Variants in PDIA5 observed in about 807,000 individuals in gnomAD.
PDIA5 encodes protein disulfide isomerase family A member 5, also known as protein disulfide-isomerase A5.
PDIA5 carries 58 observed loss-of-function variants against 77.6 expected under a neutral mutation model. The observed-to-expected ratio is 0.75, with a 90% CI of 0.61 to 0.93. The LOEUF (loss-of-function observed/expected upper bound fraction) is 0.93. Ranked by LOEUF, PDIA5 falls within the 40% of genes least tolerant of loss-of-function variation. The pLI, the probability that PDIA5 is intolerant of heterozygous loss-of-function variation, is 0.00. For synonymous variants in PDIA5, 250 were observed against 252.1 expected, an observed-to-expected ratio of 0.99 and a Z score of 0.08; for missense variants, 630 against 647.7, an observed-to-expected ratio of 0.97 and a Z score of 0.30.
chr3:123,109,490 G>A (rs1032025142), intron 6 of PDIA5, among the ~76,000 whole-genome samples: 2 of 151,994 alleles, frequency 1.3e-5, no homozygotes, highest in Non-Finnish European at 2.9e-5. Flanking sequence ...ATTTTGTTTG[G>A]AAATTATTTC....
At chr3:123,075,512 T>C (rs1376327833) in intron 1 of PDIA5, among the ~76,000 whole-genome samples, 5 of 152,142 alleles carry the variant, frequency 3.3e-5, no homozygotes, top group Admixed American at 1.3e-4. Context: ...GAAGTGCCTG[T>C]AGGGTTTATC....
intron 11 of PDIA5, among the ~76,000 whole-genome samples, chr3:123,134,697 A>T (rs777120156): frequency 8.5e-5 from 13 of 152,156 alleles, no homozygotes; most frequent in Non-Finnish European, 1.8e-4. Flanking sequence ...CTGATGCCTA[A>T]GTTGTCACTA....
chr3:123,096,443 C>T (rs1934443306), intron 3 of PDIA5, among the ~76,000 whole-genome samples: 2 of 152,210 alleles, frequency 1.3e-5, no homozygotes, highest in African/African-American at 4.8e-5. Context: ...CCTGCCTTGG[C>T]CTCCCAAAGT....
chr3:123,142,417 A>G (rs988453544), intron 11 of PDIA5, among the ~76,000 whole-genome samples: 7 of 152,264 alleles, frequency 4.6e-5, no homozygotes, highest in African/African-American at 1.7e-4. Flanking sequence ...TTATTTAGGT[A>G]ACACATGGCT....
chr3:123,124,293 G>A lies in PDIA5; in HGVS notation c.723G>A (p.Gln241=), dbSNP rs765623047. 1.2e-6 allele frequency: 2 copies of A among 1,613,748 alleles called. No homozygotes were observed. The highest frequency in any genetic ancestry group is 1.7e-6 in the Non-Finnish European group (2 of 1,179,606). Residue 241 remains glutamine (Q), a synonymous_variant, in exon 10 of 17, where the codon CAG becomes CAA. Transcript: ENST00000316218. ...ACAGGAAAGGACGGTTCTTGTTCCA[G>A]TATGACAACTATGGGTCCACAGCTG... The part of the protein sequence containing the change: ...CYFEKGRFLF[Q]YDNYGSTAED...
At chr3:123,078,112 A>G (rs1933904174) in intron 1 of PDIA5, among the ~76,000 whole-genome samples, 1 of 152,194 alleles carries the variant, frequency 6.6e-6, no homozygotes, top group African/African-American at 2.4e-5. Flanking sequence ...CCGGCCTAAA[A>G]TTAATGTTCT....
At chr3:123,118,145 T>A (rs932276901) in intron 8 of PDIA5, among the ~76,000 whole-genome samples, 2 of 152,228 alleles carry the variant, frequency 1.3e-5, no homozygotes, top group African/African-American at 4.8e-5. Flanking sequence ...AGAGAGCCAA[T>A]GCTTTCTCTT....
At chr3:123,124,421 C>T (rs1935196042) in intron 10 of PDIA5, 78 bp downstream of exon 10, 2 of 1,008,670 alleles carry the variant, frequency 2.0e-6, no homozygotes, top group Non-Finnish European at 1.6e-6. Flanking sequence ...TCGCAGGGCT[C>T]TGGCTGGAGG....
chr3:123,126,856 G>C (rs1935254469), intron 10 of PDIA5, among the ~76,000 whole-genome samples: 1 of 152,224 alleles, frequency 6.6e-6, no homozygotes. Context: ...GTGGCACCAG[G>C]TGAGGCAGGG....
At chr3:123,071,205 T>C (rs936996517) in intron 1 of PDIA5, among the ~76,000 whole-genome samples, 11 of 152,108 alleles carry the variant, frequency 7.2e-5, no homozygotes, top group African/African-American at 2.4e-4. Flanking sequence ...TCTCCTTTTA[T>C]AGGAGAATAG....
intron 3 of PDIA5, among the ~76,000 whole-genome samples, chr3:123,100,214 A>T (rs536014621): frequency 6.6e-6 from 1 of 152,376 alleles, no homozygotes; most frequent in East Asian, 1.9e-4. Flanking sequence ...TAACTCAAAC[A>T]GGGAAAGGGC....
intron 5 of PDIA5, among the ~76,000 whole-genome samples, chr3:123,106,124 C>A (rs986903774): frequency 6.6e-5 from 10 of 152,242 alleles, no homozygotes; most frequent in Non-Finnish European, 1.2e-4. Context: ...AGTATAGCAA[C>A]AAGGGTGAGG....
At chr3:123,116,422 C>A in intron 8 of PDIA5, 124 bp downstream of exon 8, 1 of 730,602 alleles carries the variant, frequency 1.4e-6, no homozygotes, top group Non-Finnish European at 2.3e-6. Flanking sequence ...CTGCCTGGGC[C>A]GTTGCTGAAT....
intron 1 of PDIA5, among the ~76,000 whole-genome samples, chr3:123,069,564 G>C (rs987831126): frequency 6.6e-6 from 1 of 152,112 alleles, no homozygotes; most frequent in South Asian, 2.1e-4. Context: ...GTGCCAGCAT[G>C]GTTGAATTCT....
chr3:123,139,893 G>A (rs1364258373), intron 11 of PDIA5, among the ~76,000 whole-genome samples: 1 of 152,176 alleles, frequency 6.6e-6, no homozygotes, highest in African/African-American at 2.4e-5. Flanking sequence ...GCCCCTGCCT[G>A]CACATACAGA....
At chr3:123,152,086 T>C (rs1203812036) in intron 14 of PDIA5, among the ~76,000 whole-genome samples, 3 of 55,590 alleles carry the variant, frequency 5.4e-5, no homozygotes, top group African/African-American at 1.1e-4. Context: ...CCTGCCTTCC[T>C]TCCTGCCTTC....
At chr3:123,068,182 C>T (rs773127420) in intron 1 of PDIA5, among the ~76,000 whole-genome samples, 13 of 152,126 alleles carry the variant, frequency 8.5e-5, no homozygotes, top group Admixed American at 2.0e-4. Context: ...CCCTGAAGTT[C>T]CAGGGAACTT....
At chr3:123,073,387 T>C (rs923193001) in intron 1 of PDIA5, among the ~76,000 whole-genome samples, 4 of 152,154 alleles carry the variant, frequency 2.6e-5, no homozygotes, top group Non-Finnish European at 5.9e-5. Context: ...AGCAGCTGCG[T>C]TGGCAGCCAT....
intron 14 of PDIA5, among the ~76,000 whole-genome samples, chr3:123,152,060 CCTGCCTGCCTTT>C (rs1935923920): frequency 2.3e-5 from 3 of 132,960 alleles, no homozygotes; most frequent in Admixed American, 7.4e-5. Context: ...TGCCTTCCTT[CCTGCCTGCCTTT>C]CTTCCTGCCT....
Sources: gnomAD v4.1 joint callset for allele counts (sites outside exome capture counted in the v4.1 genomes callset) on GRCh38, gnomAD v4.1.1 for gene constraint, MANE v1.5 for transcripts, NCBI Gene and HGNC (gene_info 2026-07-23, HGNC 2026-07-21) for gene names.